Variants in HECW1 observed in about 807,000 individuals in gnomAD.
HECW1 encodes the protein HECT, C2 and WW domain containing E3 ubiquitin protein ligase 1.
A neutral mutation model predicts 182.3 loss-of-function variants in HECW1; 61 were observed. The observed-to-expected ratio is 0.33, with a 90% CI of 0.27 to 0.41. HECW1 has a LOEUF of 0.41. HECW1 is among the 10% of genes least tolerant of loss of function. HECW1 has a pLI of 1.00. For synonymous variants in HECW1, 859 were observed against 832.6 expected (o/e 1.03, Z -0.55); for missense variants, 1,739 against 2,108.9 (o/e 0.82, Z 3.44).
At position 43,243,394 on chromosome 7, in the gene HECW1, T is replaced by C. The variant is rs1393943838; in HGVS notation, c.-31-481T>C. ...ACTTCTTGAGTCTTTCCCATCTGAG[T>C]AAATGCCTGAGGGAGTAAGGGCACT... On this transcript the variant is annotated intron_variant, in intron 2 of 29. Transcript: ENST00000395891. This position sits in a 1 kb window ranked among gnomAD's most constrained non-coding sequence, Gnocchi z 4.0. Among the ~76,000 whole-genome samples, 3 of 152,150 alleles carry C rather than the reference T, an allele frequency of 2.0e-5. No homozygotes were observed. The East Asian group carries it at 5.8e-4, about 29-fold the overall frequency.
chr7:43,349,248 G>A (rs561080280), intron 5 of HECW1, among the ~76,000 whole-genome samples: 14 of 152,194 alleles, frequency 9.2e-5, no homozygotes, highest in Middle Eastern at 3.4e-3. Context: ...TGATTAGGCC[G>A]GTCTCAAACT....
intron 24 of HECW1, among the ~76,000 whole-genome samples, chr7:43,537,712 A>G (rs1563102693): frequency 6.6e-6 from 1 of 152,226 alleles, no homozygotes; most frequent in Non-Finnish European, 1.5e-5. Context: ...TATGGTATAT[A>G]TGGGACTGGC....
rs113060406 is a variant in HECW1, at chr7:43,312,530, A to C, written c.352+443A>C. On this transcript the variant is annotated intron_variant, in intron 4 of 29. Transcript: ENST00000395891. ...ACATTCTTACTGCTTTGTATTCAAC[A>C]GACAAGCTGGGATTATACTCACAGG... is the stretch of plus-strand genomic sequence containing the variant. Among the ~76,000 whole-genome samples, 323 of 152,380 alleles carry C rather than the reference A, an allele frequency of 2.1e-3. 1 individual carries two copies. Among genetic ancestry groups the C allele is most frequent in the African/African-American group, 7.6e-3 (315 of 41,586 alleles).
At chr7:43,317,810 TGTG>T (rs1395847132) in intron 4 of HECW1, among the ~76,000 whole-genome samples, 1 of 44,472 alleles carries the variant, frequency 2.2e-5, no homozygotes, top group Non-Finnish European at 3.5e-5. Context: ...TTCTCATTAT[TGTG>T]TGTGTGTGTG....
intron 3 of HECW1, chr7:43,274,198 G>A: frequency 1.9e-6 from 1 of 520,310 alleles, no homozygotes; most frequent in Non-Finnish European, 3.4e-6. Context: ...CAAGGTGGTG[G>A]TCTCTCTTTG....
intron 24 of HECW1, among the ~76,000 whole-genome samples, chr7:43,534,901 A>T (rs1183175880): frequency 1.3e-5 from 2 of 152,200 alleles, no homozygotes; most frequent in East Asian, 3.8e-4. Context: ...GAAACTAGAC[A>T]TGCCAGTCTA....
intron 24 of HECW1, among the ~76,000 whole-genome samples, chr7:43,537,834 G>A (rs962601273): frequency 4.6e-5 from 7 of 152,058 alleles, no homozygotes; most frequent in African/African-American, 7.2e-5. Context: ...ATGTCAGTCC[G>A]AGAAACCAGT....
chr7:43,542,850 G>A (rs2081412259), intron 26 of HECW1, among the ~76,000 whole-genome samples: 1 of 152,034 alleles, frequency 6.6e-6, no homozygotes, highest in Admixed American at 6.6e-5. Flanking sequence ...TCTTTTTCTT[G>A]TTATGACCTG....
chr7:43,282,835 T>C (rs1300515493), intron 3 of HECW1, among the ~76,000 whole-genome samples: 1 of 152,138 alleles, frequency 6.6e-6, no homozygotes, highest in Non-Finnish European at 1.5e-5. Context: ...TTCCCAGTGT[T>C]GGCTGGGTGC....
intron 2 of HECW1, among the ~76,000 whole-genome samples, chr7:43,125,600 C>CA (rs140227336): frequency 0.054 from 8,126 of 150,442 alleles, 770 homozygotes; most frequent in African/African-American, 0.19. Context: ...ACTAAAAATA[C>CA]AAAAAAAATT....
intron 26 of HECW1, among the ~76,000 whole-genome samples, chr7:43,546,669 C>T (rs1332383290): frequency 6.6e-6 from 1 of 151,812 alleles, no homozygotes. Flanking sequence ...TGGCAAGGTA[C>T]TTCCTAACTT....
At chr7:43,265,712 T>C (rs1232229592) in intron 3 of HECW1, among the ~76,000 whole-genome samples, 1 of 152,148 alleles carries the variant, frequency 6.6e-6, no homozygotes, top group Non-Finnish European at 1.5e-5. Flanking sequence ...GCCCAAATCC[T>C]ACAGGTTAAA....
In HECW1 at chr7:43,438,157, A is replaced by T; in HGVS notation, c.944+12A>T. 1 of 1,609,130 alleles carries T rather than the reference A, an allele frequency of 6.2e-7. No individual in the cohort carries two copies. Among genetic ancestry groups the T allele is most frequent in the Non-Finnish European group, 8.5e-7 (1 of 1,176,472 alleles). On this transcript the variant is annotated intron_variant, in intron 9 of 29. Transcript: ENST00000395891. Reference sequence around the variant, plus strand: ...AGACACGCCATAGGGTAAACCTGTGACTGAGATCTTACTATCACTAGGTTC... The same window carrying T: ...AGACACGCCATAGGGTAAACCTGTGTCTGAGATCTTACTATCACTAGGTTC...
At chr7:43,405,097 T>C (rs62458242) in intron 7 of HECW1, among the ~76,000 whole-genome samples, 27,280 of 152,204 alleles carry the variant, frequency 0.18, 2,961 homozygotes, top group African/African-American at 0.29. Context: ...CTTTCTTGTA[T>C]TAAGGATATA....
chr7:43,559,650 G>C (rs1182564924), intron 29 of HECW1, among the ~76,000 whole-genome samples: 1 of 152,070 alleles, frequency 6.6e-6, no homozygotes, highest in Admixed American at 6.5e-5. Context: ...ACTAGACCGG[G>C]GTCAGCATAG....
chr7:43,495,133 T>C (rs1435178077), intron 19 of HECW1, among the ~76,000 whole-genome samples: 2 of 152,210 alleles, frequency 1.3e-5, no homozygotes, highest in Non-Finnish European at 2.9e-5. Context: ...TTTATTATAC[T>C]TCTAAGTTCT....
intron 2 of HECW1, among the ~76,000 whole-genome samples, chr7:43,143,266 C>T (rs553857297): frequency 2.6e-5 from 4 of 152,176 alleles, no homozygotes; most frequent in Admixed American, 1.3e-4. Flanking sequence ...CCACTGTGCC[C>T]GGCCAAGGCC....
At chr7:43,266,761 G>C (rs1218197033) in intron 3 of HECW1, among the ~76,000 whole-genome samples, 2 of 150,868 alleles carry the variant, frequency 1.3e-5, no homozygotes, top group Non-Finnish European at 2.9e-5. Context: ...CCTAACAACA[G>C]AAAAATTCTC....
chr7:43,442,708 A>G lies in HECW1; in HGVS notation c.1045+79A>G. On this transcript the variant is annotated intron_variant, in intron 10 of 29. Transcript: ENST00000395891. ...TTCCTTTTTCTAAAATACAATAACT[A>G]TGGTTCTCTCCAGATGTATCCTAGG... 3.2e-6 allele frequency: 3 copies of G among 939,942 alleles called. No homozygotes were observed. The South Asian group carries it at 4.2e-5, about 13-fold the overall frequency. The allele number at this position is 939,942 out of a possible 1,614,324, so 58.2% of individuals were successfully genotyped here. A position where few individuals can be genotyped will look rare whatever the true frequency, so the allele number is the denominator to read the frequency against.
Sources: allele counts gnomAD v4.1 joint callset (sites outside exome capture counted in the v4.1 genomes callset), GRCh38; gene constraint gnomAD v4.1.1; non-coding constraint Gnocchi (gnomAD v3.1); transcripts MANE v1.5; gene names NCBI Gene and HGNC (gene_info 2026-07-23, HGNC 2026-07-21).